TMEM144: variants seen among roughly 807,000 people sequenced by gnomAD.
The protein encoded by TMEM144 is transmembrane protein 144.
TMEM144 carries 39 observed loss-of-function variants against 43.6 expected under a neutral mutation model. The ratio of observed to expected loss-of-function variants is 0.90; its 90% CI spans 0.69 to 1.17. The LOEUF is 1.17. Among genes scored for constraint, TMEM144 ranks in the 50% most tolerant of loss-of-function variants. The probability of loss-of-function intolerance (pLI) is 0.00; values close to 1 mark genes in which losing one functional copy is unlikely to be tolerated. For synonymous variants in TMEM144, 154 were observed against 133.6 expected (o/e 1.15, Z -1.06); for missense variants, 417 against 411.9 (o/e 1.01, Z -0.11).
rs1023009068 is a variant in TMEM144, at chr4:158,212,727, T to G, written c.60T>G (p.Leu20=). ...FGYISCFVAI[L]LFGSNFVPLK... is the part of the protein sequence containing the mutation. ...ACATCTCCTGTTTTGTAGCTATCCT[T>G]TTGTTTGGCTCAAATTTTGTGCCAC... Residue 20 remains leucine (L), a synonymous_variant, in exon 3 of 13, where the codon CTT becomes CTG. Transcript: ENST00000296529. The G allele has an allele frequency of 9.7e-5, 156 of 1,613,688 alleles. No homozygotes were observed. Among genetic ancestry groups the G allele is most frequent in the Non-Finnish European group, 1.3e-4 (153 of 1,179,866 alleles).
At chr4:158,250,196 ATATATATATATAT>A (rs1736128769) in intron 12 of TMEM144, among the ~76,000 whole-genome samples, 1 of 212 alleles carries the variant, frequency 4.7e-3, no homozygotes, top group Non-Finnish European at 9.6e-3. Flanking sequence ...AATACATAAC[ATATATATATATAT>A]ATATATATAT....
At chr4:158,226,084 A>C (rs1036712242) in intron 6 of TMEM144, among the ~76,000 whole-genome samples, 2 of 152,242 alleles carry the variant, frequency 1.3e-5, no homozygotes, top group African/African-American at 4.8e-5. Flanking sequence ...TGCAGATGGA[A>C]TATTTGATCC....
intron 7 of TMEM144, 200 bp downstream of exon 7, chr4:158,233,182 C>T (rs1362434764): frequency 1.8e-5 from 8 of 439,070 alleles, no homozygotes; most frequent in East Asian, 3.8e-5. Context: ...AGCAAGCACA[C>T]GGGTTTATTT....
intron 4 of TMEM144, among the ~76,000 whole-genome samples, chr4:158,216,810 G>A (rs1186251053): frequency 6.6e-6 from 1 of 151,662 alleles, no homozygotes; most frequent in African/African-American, 2.4e-5. Flanking sequence ...CTTTTAAGAA[G>A]AGACTGTAGG....
chr4:158,248,303 A>G (rs1270056510), intron 12 of TMEM144, among the ~76,000 whole-genome samples: 1 of 152,014 alleles, frequency 6.6e-6, no homozygotes. Context: ...GTGGTGGTGC[A>G]TGCCTCTAGT....
At chr4:158,242,993 C>T (rs1735704237) in intron 11 of TMEM144, among the ~76,000 whole-genome samples, 2 of 152,130 alleles carry the variant, frequency 1.3e-5, no homozygotes, top group African/African-American at 4.8e-5. Flanking sequence ...ACACTACTCA[C>T]GATAACTCTT....
intron 9 of TMEM144, among the ~76,000 whole-genome samples, chr4:158,239,800 C>A (rs1164482390): frequency 2.6e-5 from 4 of 151,808 alleles, no homozygotes; most frequent in Non-Finnish European, 5.9e-5. Flanking sequence ...TAATTTACTA[C>A]TTAATGTATC....
intron 3 of TMEM144, chr4:158,213,134 T>G (rs1161549048): frequency 1.0e-5 from 3 of 300,622 alleles, no homozygotes; most frequent in Non-Finnish European, 1.8e-5. Flanking sequence ...GATTTTTGGC[T>G]TGCTTATGTG....
chr4:158,213,502 C>T (rs1315578675), intron 3 of TMEM144: 3 of 152,200 alleles, frequency 2.0e-5, no homozygotes, highest in African/African-American at 4.8e-5. Flanking sequence ...GTGTTGTTCT[C>T]CTAGCCCCAT....
chr4:158,238,791 G>C (rs982486149), intron 9 of TMEM144, among the ~76,000 whole-genome samples: 1 of 152,154 alleles, frequency 6.6e-6, no homozygotes, highest in Non-Finnish European at 1.5e-5. Context: ...GAGCACAGAT[G>C]TTCTTGGTAC....
At chr4:158,250,238 ATTAG>A (rs1188115744) in intron 12 of TMEM144, among the ~76,000 whole-genome samples, 1 of 147,688 alleles carries the variant, frequency 6.8e-6, no homozygotes, top group Non-Finnish European at 1.5e-5. Context: ...ATAGTTACAT[ATTAG>A]TTAGCATTAA....
At chr4:158,253,349 C>A in intron 12 of TMEM144, 95 bp from the exon 13 acceptor site, 2 of 1,031,610 alleles carry the variant, frequency 1.9e-6, no homozygotes, top group Non-Finnish European at 1.4e-6. Flanking sequence ...GCGGCTAGAG[C>A]AGATGGTTAG....
At position 158,237,527 on chromosome 4, in the gene TMEM144, G is replaced by A. The variant is rs1258414916; in HGVS notation, c.566G>A (p.Gly189Asp). 1.2e-6 allele frequency: 2 copies of A among 1,608,864 alleles called. No individual in the cohort carries two copies. Among genetic ancestry groups the A allele is most frequent in the Admixed American group, 1.7e-5 (1 of 59,650 alleles). The change falls in exon 9 of 13, where the codon GGC (glycine) becomes GAC (aspartate). Residue 189 changes from glycine (G) to aspartate (D), a missense_variant and splice_region_variant. Coordinates refer to ENST00000296529, the MANE Select transcript of TMEM144 (RefSeq NM_018342.5). ...TAGTGATTTATTTGTTTTGTAAGGG[G>A]CTGCAGTCTTGCAGTGATATCTGGA... ...KLSTVHHRIVGCSLAVISGVL... is the reference protein window; with the variant it reads ...KLSTVHHRIVDCSLAVISGVL...
chr4:158,219,496 C>T, intron 6 of TMEM144, 106 bp downstream of exon 6: 1 of 1,093,512 alleles, frequency 9.1e-7, no homozygotes, highest in East Asian at 2.5e-5. Context: ...TCGTAAAATC[C>T]ACATGCTTGT....
intron 6 of TMEM144, among the ~76,000 whole-genome samples, chr4:158,226,670 G>A (rs903260086): frequency 2.0e-5 from 3 of 152,004 alleles, no homozygotes; most frequent in Non-Finnish European, 4.4e-5. Flanking sequence ...AGGAGGCCTA[G>A]CTACTTTTAA....
chr4:158,249,853 A>C (rs1412449674), intron 12 of TMEM144, among the ~76,000 whole-genome samples: 2 of 151,530 alleles, frequency 1.3e-5, no homozygotes, highest in African/African-American at 4.9e-5. Context: ...ATTAAGAAAA[A>C]AAAAGGTGCT....
At position 158,216,643 on chromosome 4, in the gene TMEM144, C is replaced by CA. The variant is rs886713376; in HGVS notation, c.233-676dup. ...GAAATTAGGTCAAGTACCCAAAGGA[C>CA]AATAAAGCAAGGGGACAAATATGTT... is the stretch of plus-strand genomic sequence containing the variant. On this transcript the variant is annotated intron_variant, in intron 4 of 12. Coordinates refer to ENST00000296529, the MANE Select transcript of TMEM144 (RefSeq NM_018342.5). Among the ~76,000 whole-genome samples the CA allele has an allele frequency of 7.8e-4, 119 of 151,962 alleles. 1 individual carries two copies. Among genetic ancestry groups the CA allele is most frequent in the African/African-American group, 2.3e-3 (97 of 41,448 alleles).
At chr4:158,224,842 G>C (rs986113718) in intron 6 of TMEM144, among the ~76,000 whole-genome samples, 2 of 152,104 alleles carry the variant, frequency 1.3e-5, no homozygotes, top group Non-Finnish European at 2.9e-5. Flanking sequence ...TCTCATCCAC[G>C]TACAGCTCCC....
chr4:158,242,582 G>C (rs563293862), intron 11 of TMEM144, among the ~76,000 whole-genome samples: 1 of 152,106 alleles, frequency 6.6e-6, no homozygotes, highest in African/African-American at 2.4e-5. Context: ...TATTCCCATA[G>C]TTATATATCC....
Sources: gnomAD v4.1 joint callset for allele counts (sites outside exome capture counted in the v4.1 genomes callset) on GRCh38, gnomAD v4.1.1 for gene constraint, MANE v1.5 for transcripts, NCBI Gene and HGNC (gene_info 2026-07-23, HGNC 2026-07-21) for gene names.